Variants in MOV10 observed in about 807,000 individuals in gnomAD.
MOV10 encodes Mov10 RNA helicase, also known as RNA helicase MOV-10.
MOV10 carries 39 observed loss-of-function variants against 108.4 expected under a neutral mutation model. That is an observed-to-expected ratio of 0.36 (90% CI 0.28 to 0.47). The LOEUF (loss-of-function observed/expected upper bound fraction) is 0.47. MOV10 is among the 20% of genes least tolerant of loss of function. The pLI, the probability that MOV10 is intolerant of heterozygous loss-of-function variation, is 1.00. For synonymous variants in MOV10, 490 were observed against 523.1 expected (o/e 0.94, Z 0.86); for missense variants, 952 against 1,297.6 (o/e 0.73, Z 4.09).
At chr1:112,683,498 C>T (rs1672827410) in intron 2 of MOV10, among the ~76,000 whole-genome samples, 1 of 152,068 alleles carries the variant, frequency 6.6e-6, no homozygotes, top group African/African-American at 2.4e-5. Context: ...CTCAAGGGCC[C>T]AGCTAATTTC....
intron 2 of MOV10, among the ~76,000 whole-genome samples, chr1:112,687,332 C>T (rs1673154400): frequency 6.6e-6 from 1 of 152,144 alleles, no homozygotes; most frequent in African/African-American, 2.4e-5. Context: ...GCAGCAGGCA[C>T]CTGAAAAATA....
chr1:112,689,014 C>T lies in MOV10; in HGVS notation c.217C>T (p.Arg73Trp), dbSNP rs753608129. ...AAATCTGGCCTACGTCACCAAGACT[C>T]GGGTCAGGTTCTTCAGACTCGACCG... is the stretch of plus-strand genomic sequence containing the variant. ...IANLAYVTKT[R>W]VRFFRLDRWA... The change falls in exon 3 of 21, where the codon CGG becomes TGG. Residue 73 changes from arginine to tryptophan, a missense_variant. By Grantham distance (101) the Arg-to-Trp change is moderately radical (BLOSUM62 -3). Coordinates refer to ENST00000369645, the MANE Select transcript of MOV10 (RefSeq NM_001321324.2). 22 of 1,612,586 alleles carry T rather than the reference C, an allele frequency of 1.4e-5. No individual in the cohort carries two copies. Among genetic ancestry groups the T allele is most frequent in the Non-Finnish European group, 1.8e-5 (21 of 1,180,032 alleles).
At position 112,691,753 on chromosome 1, in the gene MOV10, C is replaced by G; in HGVS notation, c.925C>G (p.Gln309Glu). The G allele has an allele frequency of 6.2e-7, 1 of 1,614,174 alleles. No homozygotes were observed. Among genetic ancestry groups the G allele is most frequent in the Non-Finnish European group, 8.5e-7 (1 of 1,180,044 alleles). Residue 309 changes from glutamine (Q) to glutamate (E), a missense_variant, in exon 6 of 21, where the codon CAG becomes GAG. Gln to Glu is a conservative substitution (Grantham distance 29). Around this residue, in one of 5 missense-constraint regions of MOV10, gnomAD observed 374 missense variants for 468.6 expected, o/e 0.80. Coordinates refer to ENST00000369645, the MANE Select transcript of MOV10 (RefSeq NM_001321324.2). ...CAGGCAGCTGCTCCCCATGCTTCTT[C>G]AGGGAACAAGTATCTTCACTGCCCC... is the stretch of plus-strand genomic sequence containing the variant. Reference protein sequence around the residue: ...RLRQLLPMLLQGTSIFTAPKE... With the variant: ...RLRQLLPMLLEGTSIFTAPKE...
chr1:112,697,930 G>A (rs541195150), intron 14 of MOV10, 64 bp from the exon 15 acceptor site: 21 of 1,368,734 alleles, frequency 1.5e-5, no homozygotes, highest in East Asian at 1.1e-4. Context: ...TGGGTAGAGC[G>A]GAGCCCCTGT....
In MOV10 at chr1:112,694,186, G is replaced by T. The variant is rs777670680; in HGVS notation, c.1295+14G>T. 2 of 1,613,922 alleles carry T rather than the reference G, an allele frequency of 1.2e-6. No individual in the cohort carries two copies. The highest frequency in any genetic ancestry group is 4.5e-5 in the East Asian group (2 of 44,874). ...CTTTTCCATGAGGTGGGTGTTGGGG[G>T]AACCCTGAGCTGCTGGAAGGGTCTA... is the stretch of plus-strand genomic sequence containing the variant. On this transcript the variant is annotated intron_variant, in intron 8 of 20. Coordinates refer to ENST00000369645, the MANE Select transcript of MOV10 (RefSeq NM_001321324.2). This position sits in a 1 kb window ranked among gnomAD's most constrained non-coding sequence, Gnocchi z 4.1.
At position 112,674,965 on chromosome 1, in the gene MOV10, A is replaced by G. The variant is rs1476462227; in HGVS notation, c.53A>G (p.Glu18Gly). 1.3e-6 allele frequency: 2 copies of G among 1,583,076 alleles called. No individual in the cohort carries two copies. Among genetic ancestry groups the G allele is most frequent in the South Asian group, 1.1e-5 (1 of 88,410 alleles). Reference sequence around the variant, plus strand: ...CTCCGGGAGGCGGGCCAGTGTTTCGAGAGTTTCCTGGTCGTTCGGGGACTG... The same window carrying G: ...CTCCGGGAGGCGGGCCAGTGTTTCGGGAGTTTCCTGGTCGTTCGGGGACTG... The part of the protein sequence containing the change: ...RQLREAGQCF[E>G]SFLVVRGLDM... The change falls in exon 2 of 21, where the codon GAG becomes GGG. Residue 18 changes from glutamate to glycine, a missense_variant. Physicochemically the swap from Glu to Gly is moderately conservative, Grantham distance 98. Transcript: ENST00000369645.
At chr1:112,678,254 G>T (rs1211127459) in intron 2 of MOV10, among the ~76,000 whole-genome samples, 4 of 152,056 alleles carry the variant, frequency 2.6e-5, no homozygotes, top group Admixed American at 6.5e-5. Context: ...TCATTAGTGC[G>T]ATGATGATTA....
At position 112,692,860 on chromosome 1, in the gene MOV10, C is replaced by G. The variant is rs763896855; in HGVS notation, c.1071C>G (p.His357Gln). The change falls in exon 7 of 21, where the codon CAC becomes CAG. Residue 357 changes from histidine (H) to glutamine (Q), a missense_variant. Physicochemically the swap from His to Gln is conservative, Grantham distance 24. Transcript: ENST00000369645. ...EELQMEHDIR[H>Q]YDLESVPMTW... ...TGCAGATGGAGCATGATATCCGGCA[C>G]TATGACCTGGAGTCGGTGCCCATGA... 6.2e-7 allele frequency: 1 copy of G among 1,613,994 alleles called. No individual in the cohort carries two copies. The highest frequency in any genetic ancestry group is 8.5e-7 in the Non-Finnish European group (1 of 1,179,990).
rs746963284 is a variant in MOV10 at position 112,700,412 on chromosome 1, C to T, written c.2921-4C>T. 2 of 1,613,456 alleles carry T rather than the reference C, an allele frequency of 1.2e-6. No homozygotes were observed. The highest frequency in any genetic ancestry group is 2.2e-5 in the South Asian group (2 of 90,966). Reference sequence around the variant, plus strand: ...AAGACACAGTGTACTTTCTCTCTTTCCAGGGCCCCACAGCCATGACTACCT... The same window carrying T: ...AAGACACAGTGTACTTTCTCTCTTTTCAGGGCCCCACAGCCATGACTACCT... On this transcript the variant is annotated splice_polypyrimidine_tract_variant and splice_region_variant and intron_variant, in intron 20 of 20. Transcript: ENST00000369645.
Position 112,674,897 on chromosome 1 carries a change from C to G in MOV10, c.-16C>G. 1 of 1,552,150 alleles carries G rather than the reference C, an allele frequency of 6.4e-7. No homozygotes were observed. Among genetic ancestry groups the G allele is most frequent in the Non-Finnish European group, 8.7e-7 (1 of 1,153,854 alleles). ...TTTCCACGGACCCTCCTGCCTGGGC[C>G]GCAGCCGCCGCCGCGATGCCCAGTA... On this transcript the variant is annotated 5_prime_UTR_variant, in exon 2 of 21. Coordinates refer to ENST00000369645, the MANE Select transcript of MOV10 (RefSeq NM_001321324.2).
At chr1:112,697,390 T>C (rs1674201774) in intron 14 of MOV10, among the ~76,000 whole-genome samples, 1 of 152,072 alleles carries the variant, frequency 6.6e-6, no homozygotes. Flanking sequence ...TAATCGCTTG[T>C]ACCCGGGAGG....
rs1672114791 is a variant in MOV10 at position 112,675,399 on chromosome 1, G to C, written c.137+350G>C. ...GGACAGCGCTCGCGGTGGGGGAGGGGAGCCTCCAGAGGGGGCCCAGGCATC... is the reference window on the plus strand; with the variant it reads ...GGACAGCGCTCGCGGTGGGGGAGGGCAGCCTCCAGAGGGGGCCCAGGCATC... On this transcript the variant is annotated intron_variant, in intron 2 of 20. Transcript: ENST00000369645. This position sits in a 1 kb window ranked among gnomAD's most constrained non-coding sequence, Gnocchi z 4.7. 6.6e-6 allele frequency among the ~76,000 whole-genome samples: 1 copy of C among 152,170 alleles called. No individual in the cohort carries two copies. Among genetic ancestry groups the C allele is most frequent in the Non-Finnish European group, 1.5e-5 (1 of 68,002 alleles).
At chr1:112,680,678 AC>A (rs1672565156) in intron 2 of MOV10, among the ~76,000 whole-genome samples, 1 of 144,712 alleles carries the variant, frequency 6.9e-6, no homozygotes, top group African/African-American at 2.5e-5. Context: ...AAAAAAAAAA[AC>A]TTTTGGTGAT....
In MOV10 at chr1:112,692,893, C is replaced by T; in HGVS notation, c.1104C>T (p.Asp368=). The change falls in exon 7 of 21, where the codon GAC becomes GAT. Residue 368 remains aspartate, a synonymous_variant. Transcript: ENST00000369645. ...YDLESVPMTW[D]PVDQNPRLLT... is the part of the protein sequence containing the mutation. ...TGGAGTCGGTGCCCATGACCTGGGA[C>T]CCTGTGGACCAGAACCCCAGGCTGC... 6.2e-7 allele frequency: 1 copy of T among 1,612,984 alleles called. No individual in the cohort carries two copies.
At position 112,694,811 on chromosome 1, in the gene MOV10, C is replaced by T. The variant is rs377381143; in HGVS notation, c.1535C>T (p.Thr512Met). Residue 512 changes from threonine (T) to methionine (M), a missense_variant, in exon 10 of 21, where the codon ACG (threonine) becomes ATG (methionine). Thr to Met is a moderately conservative substitution (Grantham distance 81). Coordinates refer to ENST00000369645, the MANE Select transcript of MOV10 (RefSeq NM_001321324.2). The surrounding 1 kb of genome is among the most constrained non-coding windows in gnomAD (Gnocchi z 4.1). ...CTGCAGGCCATGAGGCACATTGTTA[C>T]GGGCACCACCCGTCCAGCCCCCTAC... ...EQLQAMRHIV[T>M]GTTRPAPYII... 9.9e-6 allele frequency: 16 copies of T among 1,614,054 alleles called. No individual in the cohort carries two copies. Among genetic ancestry groups the T allele is most frequent in the African/African-American group, 4.0e-5 (3 of 74,918 alleles).
rs1454309961 is a variant in MOV10, at chr1:112,694,050, G to T, written c.1173G>T (p.Val391=). 59 of 1,613,886 alleles carry T rather than the reference G, an allele frequency of 3.7e-5. No homozygotes were observed. Among genetic ancestry groups the T allele is most frequent in the Non-Finnish European group, 4.7e-5 (56 of 1,179,964 alleles). ...VPGVTESRPS[V]LRGDHLFALL... ...GAGTGACTGAGAGCCGCCCCTCAGT[G>T]CTACGGGGCGACCACCTGTTTGCCC... Residue 391 remains valine, a synonymous_variant, in exon 8 of 21, where the codon GTG becomes GTT. Transcript: ENST00000369645. This position sits in a 1 kb window ranked among gnomAD's most constrained non-coding sequence, Gnocchi z 4.1.
intron 5 of MOV10, among the ~76,000 whole-genome samples, chr1:112,690,848 T>G (rs1310685709): frequency 6.6e-6 from 1 of 152,232 alleles, no homozygotes; most frequent in Admixed American, 6.5e-5. Context: ...CCCACTTTGT[T>G]CAGCCCTAAG....
chr1:112,694,366 G>C lies in MOV10; in HGVS notation c.1296-87G>C. On this transcript the variant is annotated intron_variant, in intron 8 of 20. Coordinates refer to ENST00000369645, the MANE Select transcript of MOV10 (RefSeq NM_001321324.2). This position sits in a 1 kb window ranked among gnomAD's most constrained non-coding sequence, Gnocchi z 4.1. ...ATAGAGGTCTTGGAAAGAGGGGTTG[G>C]GACACTGGTTGGTGGAGAAAGTTCT... 6.5e-7 allele frequency: 1 copy of C among 1,545,786 alleles called. No homozygotes were observed. The highest frequency in any genetic ancestry group is 8.9e-7 in the Non-Finnish European group (1 of 1,125,176).
intron 2 of MOV10, among the ~76,000 whole-genome samples, chr1:112,683,946 A>G (rs1221764958): frequency 6.6e-6 from 1 of 151,694 alleles, no homozygotes; most frequent in Non-Finnish European, 1.5e-5. Flanking sequence ...TTTAAATTTA[A>G]ATTTTATTTT....
Sources: allele counts gnomAD v4.1 joint callset (sites outside exome capture counted in the v4.1 genomes callset), GRCh38; gene constraint gnomAD v4.1.1; regional missense constraint gnomAD v4.1.1; non-coding constraint Gnocchi (gnomAD v3.1); transcripts MANE v1.5; gene names NCBI Gene and HGNC (gene_info 2026-07-23, HGNC 2026-07-21).